BACH2: variants seen among roughly 807,000 people sequenced by gnomAD.
BACH2 encodes transcription regulator protein BACH2.
Under a neutral mutation model 61.8 loss-of-function variants are expected in BACH2, and 5 were observed. The observed-to-expected ratio is 0.08, with a 90% confidence interval of 0.04 to 0.17. BACH2 has a LOEUF of 0.17. Ranked by LOEUF, BACH2 falls within the 10% of genes least tolerant of loss-of-function variation. The pLI is 1.00. For synonymous variants in BACH2, 446 were observed against 440.1 expected (o/e 1.01, Z -0.17); for missense variants, 824 against 1,091.1 (o/e 0.76, Z 3.45).
intron 4 of BACH2, among the ~76,000 whole-genome samples, chr6:90,190,044 T>C (rs1174413705): frequency 1.3e-5 from 2 of 152,152 alleles, no homozygotes; most frequent in South Asian, 2.1e-4. Flanking sequence ...CAGGGGTTCA[T>C]GTGGTTCTCT....
At chr6:90,063,628 C>T (rs1780798841) in intron 5 of BACH2, among the ~76,000 whole-genome samples, 1 of 152,172 alleles carries the variant, frequency 6.6e-6, no homozygotes, top group African/African-American at 2.4e-5. Context: ...AGCTTTGGCT[C>T]TTTTACTTAT....
At chr6:90,264,008 C>T (rs1396456672) in intron 2 of BACH2, among the ~76,000 whole-genome samples, 4 of 152,148 alleles carry the variant, frequency 2.6e-5, no homozygotes, top group Non-Finnish European at 5.9e-5. Context: ...AGGAGAAACT[C>T]CTTGGACTAG....
intron 5 of BACH2, among the ~76,000 whole-genome samples, chr6:90,078,441 A>G (rs531768964): frequency 4.3e-4 from 65 of 152,270 alleles, no homozygotes; most frequent in African/African-American, 1.3e-3. Context: ...ACAATCCCCC[A>G]GTTGGCATTA....
At chr6:90,064,711 T>C (rs1780855259) in intron 5 of BACH2, among the ~76,000 whole-genome samples, 1 of 151,998 alleles carries the variant, frequency 6.6e-6, no homozygotes, top group Non-Finnish European at 1.5e-5. Context: ...ACGCTAAAGA[T>C]CCTTAATGAG....
intron 5 of BACH2, among the ~76,000 whole-genome samples, chr6:90,084,304 T>G (rs1781838878): frequency 6.6e-6 from 1 of 152,162 alleles, no homozygotes; most frequent in South Asian, 2.1e-4. Context: ...TTATGTCATT[T>G]TGTCTCGGTG....
intron 4 of BACH2, among the ~76,000 whole-genome samples, chr6:90,135,992 T>C (rs1032842729): frequency 1.3e-5 from 2 of 152,196 alleles, no homozygotes; most frequent in Non-Finnish European, 2.9e-5. Context: ...TGGCTGCTTC[T>C]TGTTTTCTAC....
Position 90,052,366 on chromosome 6 carries a change from G to T in BACH2, c.-13+36595C>A, listed in dbSNP as rs77846756. Among the ~76,000 whole-genome samples, 1,946 of 151,176 alleles carry T rather than the reference G, an allele frequency of 0.013. 64 individuals carry two copies. In the East Asian group the frequency reaches 0.14, roughly 11 times the overall value. ...CCAGTGAATTAAAACCTTATCAATA[G>T]GTAGTGCTCTCTCTATCCTGATTTT... On this transcript the variant is annotated intron_variant, in intron 5 of 8. Coordinates refer to ENST00000257749, the MANE Select transcript of BACH2 (RefSeq NM_021813.4).
At chr6:90,228,637 G>A (rs149262430) in intron 3 of BACH2, among the ~76,000 whole-genome samples, 65 of 152,328 alleles carry the variant, frequency 4.3e-4, no homozygotes, top group South Asian at 8.3e-4. Flanking sequence ...TATTCTGGAG[G>A]CTGAGGCAGG....
At chr6:90,248,601 T>C in intron 3 of BACH2, among the ~76,000 whole-genome samples, 1 of 152,128 alleles carries the variant, frequency 6.6e-6, no homozygotes, top group Non-Finnish European at 1.5e-5. Context: ...AAGTGAAGGA[T>C]GAACGAGAGT....
chr6:90,109,928 T>C (rs369490250), intron 4 of BACH2, among the ~76,000 whole-genome samples: 1 of 152,054 alleles, frequency 6.6e-6, no homozygotes, highest in Admixed American at 6.6e-5. Flanking sequence ...AAAACAAAAC[T>C]TTAAAAAAAT....
At chr6:90,023,573 G>T (rs1562377146) in intron 5 of BACH2, among the ~76,000 whole-genome samples, 1 of 152,084 alleles carries the variant, frequency 6.6e-6, no homozygotes, top group Non-Finnish European at 1.5e-5. Flanking sequence ...CTCAGTCTCA[G>T]GTATTTCTTT....
intron 5 of BACH2, among the ~76,000 whole-genome samples, chr6:90,014,436 GTGTGTATATATATATA>G (rs1180540873): frequency 1.5e-5 from 1 of 65,990 alleles, no homozygotes; most frequent in African/African-American, 1.2e-4. Context: ...GTGTGTGTGT[GTGTGTATATATATATA>G]TATATATATA....
chr6:90,232,198 C>G (rs952130471), intron 3 of BACH2, among the ~76,000 whole-genome samples: 6 of 152,182 alleles, frequency 3.9e-5, no homozygotes, highest in African/African-American at 1.4e-4. Context: ...CAAGGAGTGA[C>G]CTTCATCTTA....
rs142137197 is a variant in BACH2 at position 90,048,013 on chromosome 6, A to G, written c.-12-39157T>C. On this transcript the variant is annotated intron_variant, in intron 5 of 8. Transcript: ENST00000257749. ...TGATAAGAGGCCTGATTCATATTCC[A>G]TTCTATTGCTGACTTGTGACACCTA... 6.2e-3 allele frequency among the ~76,000 whole-genome samples: 938 copies of G among 152,308 alleles called. 14 individuals are homozygous for G. Among genetic ancestry groups the G allele is most frequent in the African/African-American group, 0.021 (888 of 41,556 alleles).
At chr6:90,274,916 G>A (rs1327760943) in intron 1 of BACH2, among the ~76,000 whole-genome samples, 1 of 152,142 alleles carries the variant, frequency 6.6e-6, no homozygotes. Context: ...GACCAAATGG[G>A]GGTACCTCAG....
chr6:89,991,921 G>T (rs1236377063), intron 6 of BACH2, among the ~76,000 whole-genome samples: 1 of 152,008 alleles, frequency 6.6e-6, no homozygotes, highest in Non-Finnish European at 1.5e-5. Context: ...TAATCTATTT[G>T]TTCTTTAGTT....
chr6:90,218,288 T>A (rs902758768), intron 3 of BACH2: 1 of 151,466 alleles, frequency 6.6e-6, no homozygotes, highest in Non-Finnish European at 1.5e-5. Context: ...CCCAACACCT[T>A]CTTCTTTTAA....
Position 90,151,529 on chromosome 6 carries a change from G to A in BACH2, c.-162+55040C>T, listed in dbSNP as rs138591497. ...TGGTCTTGAACTCCTGGGATCAAAC[G>A]ATGTTCCCACCTTGGTCTCCCAAAG... On this transcript the variant is annotated intron_variant, in intron 4 of 8. Transcript: ENST00000257749. Among the ~76,000 whole-genome samples, 665 of 152,232 alleles carry A rather than the reference G, an allele frequency of 4.4e-3. 6 individuals are homozygous for A. The highest frequency in any genetic ancestry group is 0.015 in the African/African-American group (620 of 41,532).
At chr6:90,255,696 C>T (rs1770954293) in intron 2 of BACH2, among the ~76,000 whole-genome samples, 1 of 152,202 alleles carries the variant, frequency 6.6e-6, no homozygotes, top group East Asian at 1.9e-4. Context: ...AATAAGGGTA[C>T]TAGCTAGAAG....
Sources: gnomAD v4.1 joint callset for allele counts (sites outside exome capture counted in the v4.1 genomes callset) on GRCh38, gnomAD v4.1.1 for gene constraint, MANE v1.5 for transcripts, NCBI Gene and HGNC (gene_info 2026-07-23, HGNC 2026-07-21) for gene names.